HIRA: variants seen among roughly 807,000 people sequenced by gnomAD.
HIRA encodes the protein protein HIRA.
Under a neutral mutation model 126.6 loss-of-function variants are expected in HIRA, and 13 were observed. That is an observed-to-expected ratio of 0.10 (90% CI 0.07 to 0.16). The LOEUF (loss-of-function observed/expected upper bound fraction) is 0.16. Among genes scored for constraint, HIRA ranks in the 10% least tolerant of loss-of-function variants. HIRA has a pLI of 1.00. For missense variants in HIRA, 834 were observed against 1,314.4 expected (o/e 0.63, Z 5.65); for synonymous variants, 511 against 520.0 (o/e 0.98, Z 0.24).
chr22:19,431,188 G>A (rs1443348920), intron 1 of HIRA, among the ~76,000 whole-genome samples: 1 of 152,350 alleles, frequency 6.6e-6, no homozygotes, highest in East Asian at 1.9e-4. Flanking sequence ...AGGACCACAG[G>A]TGGGCAGCGG....
intron 1 of HIRA, among the ~76,000 whole-genome samples, chr22:19,423,924 C>G (rs751087857): frequency 2.0e-5 from 3 of 152,202 alleles, no homozygotes; most frequent in Non-Finnish European, 4.4e-5. Context: ...AATGTTTCCC[C>G]TCATCATTGG....
At chr22:19,362,179 A>G (rs41281407) in intron 15 of HIRA, among the ~76,000 whole-genome samples, 180 of 152,360 alleles carry the variant, frequency 1.2e-3, no homozygotes, top group Admixed American at 3.7e-3. Context: ...AGAGAAGATA[A>G]ATGATGCAGG....
intron 9 of HIRA, among the ~76,000 whole-genome samples, chr22:19,389,709 A>G (rs1242537205): frequency 6.6e-6 from 1 of 152,122 alleles, no homozygotes; most frequent in Non-Finnish European, 1.5e-5. Context: ...TGAGCATTCT[A>G]AGAAATATGG....
At chr22:19,394,655 G>GTC in intron 7 of HIRA, 146 bp from the exon 8 acceptor site, 2 of 801,484 alleles carry the variant, frequency 2.5e-6, no homozygotes, top group Non-Finnish European at 3.8e-6. Flanking sequence ...GACAGCTTCT[G>GTC]TCTCACCAGA....
At chr22:19,382,573 G>C (rs546804983) in intron 13 of HIRA, among the ~76,000 whole-genome samples, 1 of 152,304 alleles carries the variant, frequency 6.6e-6, no homozygotes, top group African/African-American at 2.4e-5. Flanking sequence ...ACGAGTGAAG[G>C]TTTCTTTAGA....
intron 24 of HIRA, among the ~76,000 whole-genome samples, chr22:19,349,444 A>C (rs1195850006): frequency 6.6e-6 from 1 of 152,222 alleles, no homozygotes; most frequent in Non-Finnish European, 1.5e-5. Flanking sequence ...CATCTCTCAG[A>C]TGATGGGGAA....
rs538061693 is a variant in HIRA at position 19,368,628 on chromosome 22, T to C, written c.1776-6697A>G. 5.3e-5 allele frequency among the ~76,000 whole-genome samples: 8 copies of C among 152,336 alleles called. No individual in the cohort carries two copies. The South Asian group carries it at 1.7e-3, about 32-fold the overall frequency. On this transcript the variant is annotated intron_variant, in intron 15 of 24. Coordinates refer to ENST00000263208, the MANE Select transcript of HIRA (RefSeq NM_003325.4). ...TTCTAATTTTTTCTAACATGAATTT[T>C]CCTGGTTCAGACTGATCTGAAAGGG...
intron 24 of HIRA, among the ~76,000 whole-genome samples, chr22:19,345,049 A>G (rs1337586473): frequency 6.6e-6 from 1 of 152,238 alleles, no homozygotes; most frequent in Non-Finnish European, 1.5e-5. Flanking sequence ...AAAGACTAAA[A>G]GCTTTTCCTT....
rs1342426548 is a variant in HIRA, at chr22:19,392,106, C to T, written c.931G>A (p.Val311Ile). Residue 311 changes from valine to isoleucine, a missense_variant, in exon 9 of 25, where the codon GTC (valine) becomes ATC (isoleucine). Physicochemically the swap from Val to Ile is conservative, Grantham distance 29. Transcript: ENST00000263208. ...GCTCAGGATAGCAGGCTCACCCAGA[C>T]AGAAAGCGAGCGGTCCTTGCTGCCA... ...AVGSKDRSLS[V>I]WLTCLKRPLV... is the part of the protein sequence containing the mutation. 13 of 1,577,190 alleles carry T rather than the reference C, an allele frequency of 8.2e-6. No individual in the cohort carries two copies. Among genetic ancestry groups the T allele is most frequent in the Non-Finnish European group, 1.1e-5 (13 of 1,151,554 alleles).
chr22:19,375,775 G>A lies in HIRA; in HGVS notation c.1631C>T (p.Thr544Ile), dbSNP rs1569299948. ...CACAGAAGGTGACAATGCAGCAGGA[G>A]TAGAGGTAGCATTCATACTGGGGTG... ...VNKDSMNATS[T>I]PAALSPSVLT... Residue 544 changes from threonine (T) to isoleucine (I), a missense_variant, in exon 15 of 25, where the codon ACT (threonine) becomes ATT (isoleucine). By Grantham distance (89) the Thr-to-Ile change is moderately conservative. This residue lies in a region of HIRA where 468 missense variants were observed against 574.2 expected (regional missense o/e 0.82). Coordinates refer to ENST00000263208, the MANE Select transcript of HIRA (RefSeq NM_003325.4). 1 of 1,614,050 alleles carries A rather than the reference G, an allele frequency of 6.2e-7. No homozygotes were observed. Among genetic ancestry groups the A allele is most frequent in the South Asian group, 1.1e-5 (1 of 91,094 alleles).
At chr22:19,359,281 T>C (rs531005255) in intron 18 of HIRA, 55 bp downstream of exon 18, 2 of 1,473,448 alleles carry the variant, frequency 1.4e-6, no homozygotes, top group East Asian at 2.6e-5. Context: ...AGGCCCAGAA[T>C]GATGGCATGT....
At chr22:19,430,654 G>A (rs879323495) in intron 1 of HIRA, among the ~76,000 whole-genome samples, 4 of 151,810 alleles carry the variant, frequency 2.6e-5, no homozygotes, top group African/African-American at 7.3e-5. Context: ...AGGGGGAGGC[G>A]CGCTTTTTTC....
In HIRA at chr22:19,351,500, G is replaced by T; in HGVS notation, c.2849-54C>A. ...ACAACAAAAAACAAAACAGAAATAG[G>T]AACACATTACAAAAAGAAATAAAAT... On this transcript the variant is annotated intron_variant, in intron 23 of 24. Coordinates refer to ENST00000263208, the MANE Select transcript of HIRA (RefSeq NM_003325.4). This position sits in a 1 kb window ranked among gnomAD's most constrained non-coding sequence, Gnocchi z 4.8. The T allele has an allele frequency of 8.0e-7, 1 of 1,247,100 alleles. No homozygotes were observed. Among genetic ancestry groups the T allele is most frequent in the South Asian group, 1.2e-5 (1 of 80,456 alleles). 77.3% of individuals were successfully genotyped at this position (1,247,100 alleles called of 1,614,324 possible). A position where few individuals can be genotyped will look rare whatever the true frequency, so the allele number is the denominator to read the frequency against.
rs200992134 is a variant in HIRA, at chr22:19,408,544, C to T, written c.150G>A (p.Gln50=). 2 of 1,613,872 alleles carry T rather than the reference C, an allele frequency of 1.2e-6. No homozygotes were observed. Among genetic ancestry groups the T allele is most frequent in the Non-Finnish European group, 1.7e-6 (2 of 1,179,712 alleles). The change falls in exon 3 of 25, where the codon CAG becomes CAA. Residue 50 remains glutamine, a synonymous_variant. Coordinates refer to ENST00000263208, the MANE Select transcript of HIRA (RefSeq NM_003325.4). ...TATTTTCATCCTTCTCGTCATCCTC[C>T]TGGAGGACTGGAGACATATTCCAGA... ...VVIWNMSPVL[Q]EDDEKDENIP...
chr22:19,424,479 CA>C (rs1227570157), intron 1 of HIRA, among the ~76,000 whole-genome samples: 2 of 152,230 alleles, frequency 1.3e-5, no homozygotes, highest in Non-Finnish European at 1.5e-5. Context: ...TTAGAAGCCC[CA>C]AGGCACTCAG....
At chr22:19,352,109 T>C (rs563104430) in intron 23 of HIRA, among the ~76,000 whole-genome samples, 40 of 151,968 alleles carry the variant, frequency 2.6e-4, no homozygotes, top group African/African-American at 8.9e-4. Context: ...GGGTCCACTT[T>C]TATACTAGAT....
rs375627607 is a variant in HIRA, at chr22:19,357,065, G to T, written c.2235-14C>A. On this transcript the variant is annotated splice_polypyrimidine_tract_variant and intron_variant, in intron 18 of 24. Coordinates refer to ENST00000263208, the MANE Select transcript of HIRA (RefSeq NM_003325.4). ...CACACCACGTCACTGAGAAGGCAGA[G>T]TGGGGGCAGGTGTCATGGGGGCTGA... is the stretch of plus-strand genomic sequence containing the variant. 5.3e-4 allele frequency: 859 copies of T among 1,613,488 alleles called. 1 individual carries two copies. The highest frequency in any genetic ancestry group is 6.8e-4 in the Non-Finnish European group (802 of 1,179,762).
At chr22:19,357,537 C>T (rs937518191) in intron 18 of HIRA, among the ~76,000 whole-genome samples, 4 of 152,180 alleles carry the variant, frequency 2.6e-5, no homozygotes, top group Middle Eastern at 3.2e-3. Context: ...AGATGTGTGT[C>T]GCTCCCAAAC....
chr22:19,388,447 T>G, intron 10 of HIRA, 37 bp downstream of exon 10: 3 of 1,537,282 alleles, frequency 2.0e-6, no homozygotes, highest in Non-Finnish European at 2.7e-6. Context: ...TGGCTTCTCC[T>G]TTCTTAACCT....
Sources: allele counts gnomAD v4.1 joint callset (sites outside exome capture counted in the v4.1 genomes callset), GRCh38; gene constraint gnomAD v4.1.1; regional missense constraint gnomAD v4.1.1; non-coding constraint Gnocchi (gnomAD v3.1); transcripts MANE v1.5; gene names NCBI Gene and HGNC (gene_info 2026-07-23, HGNC 2026-07-21).